Variants in TPD52 observed in about 807,000 individuals in gnomAD.
TPD52 encodes prostate and colon associated protein.
TPD52 carries 17 observed loss-of-function variants against 31.3 expected under a neutral mutation model. That is an observed-to-expected ratio of 0.54 (90% confidence interval 0.37 to 0.82). TPD52 has a LOEUF of 0.82. Among genes scored for constraint, TPD52 ranks in the 40% least tolerant of loss-of-function variants. The pLI, the probability that TPD52 is intolerant of heterozygous loss-of-function variation, is 0.00. For missense variants in TPD52, 212 were observed against 240.1 expected, an observed-to-expected ratio of 0.88 and a Z score of 0.77; for synonymous variants, 83 against 89.6, an observed-to-expected ratio of 0.93 and a Z score of 0.42.
chr8:80,097,217 G>T (rs536642717), intron 1 of TPD52, among the ~76,000 whole-genome samples: 2 of 152,310 alleles, frequency 1.3e-5, no homozygotes, highest in South Asian at 4.1e-4. Context: ...TAAGAAAGGT[G>T]AGGAAGCTGC....
Position 80,053,371 on chromosome 8 carries a change from T to C in TPD52, c.195A>G (p.Ala65=). The change falls in exon 3 of 8, where the codon GCA becomes GCG. Residue 65 remains alanine (A), a synonymous_variant. Coordinates refer to ENST00000518937, the MANE Select transcript of TPD52 (RefSeq NM_001025253.3). ...QVLAAKEKHL[A]EIKRKLGINS... ...TGATTCCAAGTTTCCGCTTGATCTC[T>C]GCTAGATGCTTCTCTTTTGCTGCTA... 2 of 1,613,824 alleles carry C rather than the reference T, an allele frequency of 1.2e-6. No homozygotes were observed. The highest frequency in any genetic ancestry group is 2.2e-5 in the South Asian group (2 of 91,080).
At position 80,038,059 on chromosome 8, in the gene TPD52, G is replaced by A. The variant is rs992486495; in HGVS notation, c.*57C>T. On this transcript the variant is annotated 3_prime_UTR_variant, in exon 8 of 8. Coordinates refer to ENST00000518937, the MANE Select transcript of TPD52 (RefSeq NM_001025253.3). ...TCATGGCAATGCATGTTGACAAGAT[G>A]TGCTTGGACCTCGCTTGCAGCATCT... 8.8e-6 allele frequency: 14 copies of A among 1,592,618 alleles called. No homozygotes were observed. The highest frequency in any genetic ancestry group is 1.2e-5 in the Non-Finnish European group (14 of 1,164,944).
chr8:80,041,172 T>C (rs1291274859), intron 7 of TPD52, among the ~76,000 whole-genome samples: 1 of 152,134 alleles, frequency 6.6e-6, no homozygotes, highest in African/African-American at 2.4e-5. Context: ...GGGATAGCAT[T>C]AGGAGAAATA....
chr8:80,085,769 G>C (rs78242549), intron 1 of TPD52, among the ~76,000 whole-genome samples: 25 of 152,246 alleles, frequency 1.6e-4, no homozygotes, highest in African/African-American at 5.5e-4. Context: ...GCTAAAGCTC[G>C]GGAGAAATTT....
intron 1 of TPD52, among the ~76,000 whole-genome samples, chr8:80,150,340 T>C (rs1810483457): frequency 6.6e-6 from 1 of 152,230 alleles, no homozygotes; most frequent in Admixed American, 6.5e-5. Flanking sequence ...GAGGCAGGGC[T>C]GTCATGGAGA....
rs572594202 is a variant in TPD52, at chr8:80,135,780, C to T, written c.19+35645G>A. On this transcript the variant is annotated intron_variant, in intron 1 of 7. Coordinates refer to ENST00000518937, the MANE Select transcript of TPD52 (RefSeq NM_001025253.3). ...GGATTAAGAAAATGTGGCACATATACACCATGGAATACTATGCAGCCATAA... is the reference window on the plus strand; with the variant it reads ...GGATTAAGAAAATGTGGCACATATATACCATGGAATACTATGCAGCCATAA... Among the ~76,000 whole-genome samples, 763 of 145,050 alleles carry T rather than the reference C, an allele frequency of 5.3e-3. 4 individuals carry two copies. Among genetic ancestry groups the T allele is most frequent in the Non-Finnish European group, 8.1e-3 (539 of 66,610 alleles).
chr8:80,062,492 G>T (rs1036143327), intron 2 of TPD52, among the ~76,000 whole-genome samples: 7 of 152,098 alleles, frequency 4.6e-5, no homozygotes, highest in Non-Finnish European at 1.0e-4. Flanking sequence ...TGGATTCTTA[G>T]ATATCACACC....
In TPD52 at chr8:80,093,458, C is replaced by T. The variant is rs1816445941; in HGVS notation, c.20-28865G>A. Among the ~76,000 whole-genome samples, 4 of 152,232 alleles carry T rather than the reference C, an allele frequency of 2.6e-5. No individual in the cohort carries two copies. In the South Asian group the frequency reaches 8.3e-4, roughly 32 times the overall value. ...CTACATTTTAATGTGGAAAAAACTTCCACAATGCTTACACAGCTATTCCTG... is the reference window on the plus strand; with the variant it reads ...CTACATTTTAATGTGGAAAAAACTTTCACAATGCTTACACAGCTATTCCTG... On this transcript the variant is annotated intron_variant, in intron 1 of 7. Coordinates refer to ENST00000518937, the MANE Select transcript of TPD52 (RefSeq NM_001025253.3).
At chr8:80,133,345 T>TAGC (rs1049230674) in intron 1 of TPD52, among the ~76,000 whole-genome samples, 2 of 152,164 alleles carry the variant, frequency 1.3e-5, no homozygotes, top group Non-Finnish European at 2.9e-5. Flanking sequence ...GTTCCAGGAA[T>TAGC]AGCAGCAAGG....
chr8:80,055,788 C>T (rs1261545559), intron 2 of TPD52, among the ~76,000 whole-genome samples: 3 of 152,122 alleles, frequency 2.0e-5, no homozygotes, highest in African/African-American at 7.2e-5. Context: ...ATTAAAAATG[C>T]TCAACATCAC....
Position 80,051,532 on chromosome 8 carries a change from A to G in TPD52, c.381T>C (p.Asp127=), listed in dbSNP as rs976636893. 3 of 1,613,688 alleles carry G rather than the reference A, an allele frequency of 1.9e-6. No homozygotes were observed. In the Admixed American group the frequency reaches 5.0e-5, roughly 27 times the overall value. ...AAGGAAAAATGAGGACATACTTTAC[A>G]TCTTCCAGCTTTTTGGTGATGACTG... ...VGSVITKKLE[D]VKLQAFSHSF... The change falls in exon 4 of 8, where the codon GAT becomes GAC. Residue 127 remains aspartate, a synonymous_variant. Transcript: ENST00000518937.
intron 4 of TPD52, 94 bp from the exon 5 acceptor site, chr8:80,050,565 C>T: frequency 7.9e-7 from 1 of 1,261,856 alleles, no homozygotes; most frequent in African/African-American, 1.5e-5. Context: ...TAATGTTTTC[C>T]CTGGGCTCTA....
intron 1 of TPD52, among the ~76,000 whole-genome samples, chr8:80,084,801 T>C (rs997777974): frequency 2.0e-5 from 3 of 152,188 alleles, no homozygotes; most frequent in African/African-American, 7.2e-5. Flanking sequence ...AAACTAGAGT[T>C]TCCCCTTTTC....
chr8:80,042,710 G>GA (rs556251667), intron 6 of TPD52, 42 bp from the exon 7 acceptor site: 40 of 1,555,058 alleles, frequency 2.6e-5, no homozygotes, highest in East Asian at 1.1e-4. Flanking sequence ...TACAAATACT[G>GA]AAAAAAAATC....
At chr8:80,103,227 A>G (rs1166532067) in intron 1 of TPD52, among the ~76,000 whole-genome samples, 1 of 152,200 alleles carries the variant, frequency 6.6e-6, no homozygotes, top group African/African-American at 2.4e-5. Flanking sequence ...AGTCTGACTG[A>G]CTAGCTCTGT....
At chr8:80,163,002 C>T (rs745483230) in intron 1 of TPD52, among the ~76,000 whole-genome samples, 1 of 151,830 alleles carries the variant, frequency 6.6e-6, no homozygotes, top group African/African-American at 2.4e-5. Flanking sequence ...TGGAGAGAAA[C>T]TGGAATCCTT....
At chr8:80,082,482 G>A (rs914805400) in intron 1 of TPD52, among the ~76,000 whole-genome samples, 4 of 152,106 alleles carry the variant, frequency 2.6e-5, no homozygotes, top group Non-Finnish European at 5.9e-5. Flanking sequence ...AATTAATAGT[G>A]ATACGGATAG....
chr8:80,113,886 T>C (rs998314720), intron 1 of TPD52, among the ~76,000 whole-genome samples: 3 of 152,220 alleles, frequency 2.0e-5, no homozygotes, highest in African/African-American at 4.8e-5. Context: ...TATCCCGATA[T>C]CAAAGTATCA....
chr8:80,125,784 A>T (rs1291981882), intron 1 of TPD52, among the ~76,000 whole-genome samples: 1 of 152,244 alleles, frequency 6.6e-6, no homozygotes, highest in East Asian at 1.9e-4. Flanking sequence ...GCTACCTAAG[A>T]ATACAATTTC....
Sources: gnomAD v4.1 joint callset for allele counts (sites outside exome capture counted in the v4.1 genomes callset) on GRCh38, gnomAD v4.1.1 for gene constraint, MANE v1.5 for transcripts, NCBI Gene and HGNC (gene_info 2026-07-23, HGNC 2026-07-21) for gene names.